The following FMO2 variants were observed in gnomAD, a reference collection of about 807,000 sequenced individuals.
FMO2 encodes flavin containing dimethylaniline monoxygenase 2, also known as flavin-containing monooxygenase 2.
A neutral mutation model predicts 41.6 loss-of-function variants in FMO2; 33 were observed. The observed-to-expected ratio is 0.79, with a 90% confidence interval of 0.60 to 1.06. FMO2 has a LOEUF of 1.06. Ranked by LOEUF, FMO2 falls within the 50% of genes least tolerant of loss-of-function variation. The pLI is 0.00. For synonymous variants in FMO2, 214 were observed against 219.6 expected (o/e 0.97, Z 0.23); for missense variants, 619 against 632.9 (o/e 0.98, Z 0.23).
Position 171,204,092 on chromosome 1 carries a change from A to G in FMO2, c.827+28A>G, listed in dbSNP as rs1257355471. 5 of 1,566,162 alleles carry G rather than the reference A, an allele frequency of 3.2e-6. No homozygotes were observed. In the South Asian group the frequency reaches 3.3e-5, roughly 10 times the overall value. ...AGAGTTATTTTGCTTTTTTAATGGT[A>G]TACTCGTTGGTGAGCAAAGTTGTCT... On this transcript the variant is annotated intron_variant, in intron 6 of 8. Coordinates refer to ENST00000209929, the MANE Select transcript of FMO2 (RefSeq NM_001460.5).
chr1:171,195,040 C>A (rs2223229), intron 3 of FMO2, among the ~76,000 whole-genome samples: 152,352 of 152,354 alleles, frequency 1, 76,175 homozygotes, highest in Non-Finnish European at 1. Flanking sequence ...TAACAAATAT[C>A]TCGCCTTTTT....
In FMO2 at chr1:171,210,657, C is replaced by T. The variant is rs1658941334; in HGVS notation, c.*1512C>T. 6.6e-6 allele frequency: 1 copy of T among 152,078 alleles called. No individual in the cohort carries two copies. Among genetic ancestry groups the T allele is most frequent in the Non-Finnish European group, 1.5e-5 (1 of 68,068 alleles). The allele number at this position is 152,078 out of a possible 1,614,324, so 9.4% of individuals were successfully genotyped here. A position where few individuals can be genotyped will look rare whatever the true frequency, so the allele number is the denominator to read the frequency against. ...CAAAGGTCAGAGATGTTGAAGATTC[C>T]AGCAAATTTCTCCTCTTATTTCTAC... On this transcript the variant is annotated 3_prime_UTR_variant, in exon 9 of 9. Coordinates refer to ENST00000209929, the MANE Select transcript of FMO2 (RefSeq NM_001460.5).
rs1190862195 is a variant in FMO2, at chr1:171,210,450, A to T, written c.*1305A>T. The T allele has an allele frequency of 1.3e-5, 2 of 152,246 alleles. No homozygotes were observed. The highest frequency in any genetic ancestry group is 2.4e-5 in the African/African-American group (1 of 41,474). 9.4% of individuals were successfully genotyped at this position (152,246 alleles called of 1,614,324 possible). A position where few individuals can be genotyped will look rare whatever the true frequency, so the allele number is the denominator to read the frequency against. The stretch of plus-strand genomic sequence containing the variant: ...GAAGTATACTGGTCTGTTAGCAGAG[A>T]CAAACTTTTTTTAGAATTGAAGTCT... On this transcript the variant is annotated 3_prime_UTR_variant, in exon 9 of 9. Transcript: ENST00000209929.
intron 3 of FMO2, among the ~76,000 whole-genome samples, chr1:171,195,097 C>T (rs546859883): frequency 1.6e-4 from 24 of 152,180 alleles, no homozygotes; most frequent in Non-Finnish European, 2.2e-4. Context: ...ATGTTAGAGT[C>T]GCAAGGAAGT....
rs373878117 is a variant in FMO2, at chr1:171,208,813, C to T, written c.1276C>T (p.Gln426Ter). The T allele has an allele frequency of 8.5e-5, 137 of 1,613,916 alleles. No homozygotes were observed. The South Asian group carries it at 8.7e-4, about 10-fold the overall frequency. ...RIDLFGESQS[Q>*]TLQTNYVDYL... ...ACTAAGGTTTGGAGAAAGCCAGAGC[C>T]AGACGTTGCAGACCAATTATGTTGA... The change falls in exon 9 of 9, where the codon CAG (glutamine) becomes TAG (stop). Residue 426 changes from glutamine (Q) to a stop codon, truncating the protein, a stop_gained. Transcript: ENST00000209929. LOFTEE classifies it low-confidence loss of function (END_TRUNC).
intron 2 of FMO2, 93 bp downstream of exon 2, chr1:171,185,938 A>G (rs913625077): frequency 1.7e-5 from 21 of 1,271,508 alleles, no homozygotes; most frequent in Non-Finnish European, 2.2e-5. Context: ...AATTTATTAA[A>G]CAACTCTGAT....
intron 2 of FMO2, among the ~76,000 whole-genome samples, chr1:171,192,543 C>A (rs1032002534): frequency 5.9e-5 from 9 of 151,912 alleles, no homozygotes; most frequent in Admixed American, 1.3e-4. Flanking sequence ...GGGTGGATCA[C>A]GAGGTCAGGA....
intron 4 of FMO2, among the ~76,000 whole-genome samples, chr1:171,198,545 G>T (rs1658391060): frequency 6.6e-6 from 1 of 151,738 alleles, no homozygotes; most frequent in Admixed American, 6.6e-5. Flanking sequence ...CTCCCAAGTA[G>T]CTGGGATTAC....
In FMO2 at chr1:171,209,097, C is replaced by A; in HGVS notation, c.1560C>A (p.Gly520=). 1.1e-6 allele frequency: 1 copy of A among 880,724 alleles called. No individual in the cohort carries two copies. Among genetic ancestry groups the A allele is most frequent in the Non-Finnish European group, 1.7e-6 (1 of 578,844 alleles). 54.6% of individuals were successfully genotyped at this position (880,724 alleles called of 1,614,324 possible). The stretch of plus-strand genomic sequence containing the variant: ...TTTCTTTTCTGTTGAAAATCCTGGG[C>A]CTTCTTGCTGTTGTTGTGGCCTTTT... ...FSVSFLLKIL[G]LLAVVVAFFC... The change falls in exon 9 of 9, where the codon GGC becomes GGA. Residue 520 remains glycine, a synonymous_variant. Transcript: ENST00000209929.
rs765170652 is a variant in FMO2, at chr1:171,207,781, G to T, written c.1247G>T (p.Arg416Ile). ...GACATTATCAAAAGGAATGAAAAAA[G>T]AATTGACCTGTAAGAATTTTTTTTA... is the stretch of plus-strand genomic sequence containing the variant. Reference protein sequence around the residue: ...MMDIIKRNEKRIDLFGESQSQ... With the variant: ...MMDIIKRNEKIIDLFGESQSQ... The change falls in exon 8 of 9, where the codon AGA (arginine) becomes ATA (isoleucine). Residue 416 changes from arginine (R) to isoleucine (I), a missense_variant. By Grantham distance (97) the Arg-to-Ile change is moderately conservative (BLOSUM62 -3). Coordinates refer to ENST00000209929, the MANE Select transcript of FMO2 (RefSeq NM_001460.5). 1 of 1,595,784 alleles carries T rather than the reference G, an allele frequency of 6.3e-7. No individual in the cohort carries two copies. Among genetic ancestry groups the T allele is most frequent in the African/African-American group, 1.3e-5 (1 of 74,192 alleles).
Position 171,205,607 on chromosome 1 carries a change from G to A in FMO2, c.1156G>A (p.Ala386Thr), listed in dbSNP as rs1207435852. 1.9e-6 allele frequency: 3 copies of A among 1,610,728 alleles called. No individual in the cohort carries two copies. The highest frequency in any genetic ancestry group is 1.7e-5 in the Admixed American group (1 of 59,510). Residue 386 changes from alanine (A) to threonine (T), a missense_variant, in exon 7 of 9, where the codon GCT becomes ACT. By Grantham distance (58) the Ala-to-Thr change is moderately conservative. Transcript: ENST00000209929. ...CATTTTCCCAACTGCTGAACTTCAA[G>A]CTCGTTGGGTGACAAGAGTTTTCAA... ...GSIFPTAELQ[A>T]RWVTRVFKGL...
intron 7 of FMO2, chr1:171,207,442 A>C (rs1571294262): frequency 3.1e-6 from 1 of 324,270 alleles, no homozygotes; most frequent in South Asian, 9.7e-5. Flanking sequence ...TAGAGCCCAA[A>C]CCACTAGTCA....
At position 171,209,095 on chromosome 1, in the gene FMO2, G is replaced by A; in HGVS notation, c.1558G>A (p.Gly520Ser). 1.1e-6 allele frequency: 1 copy of A among 898,626 alleles called. No homozygotes were observed. Among genetic ancestry groups the A allele is most frequent in the Non-Finnish European group, 1.7e-6 (1 of 594,676 alleles). 55.7% of individuals were successfully genotyped at this position (898,626 alleles called of 1,614,324 possible). Residue 520 changes from glycine to serine, a missense_variant, in exon 9 of 9, where the codon GGC becomes AGC. Physicochemically the swap from Gly to Ser is moderately conservative, Grantham distance 56. Transcript: ENST00000209929. ...FSVSFLLKILGLLAVVVAFFC... is the reference protein window; with the variant it reads ...FSVSFLLKILSLLAVVVAFFC... ...AGTTTCTTTTCTGTTGAAAATCCTGGGCCTTCTTGCTGTTGTTGTGGCCTT... is the reference window on the plus strand; with the variant it reads ...AGTTTCTTTTCTGTTGAAAATCCTGAGCCTTCTTGCTGTTGTTGTGGCCTT...
chr1:171,188,478 T>C lies in FMO2; in HGVS notation c.132+2633T>C, dbSNP rs28369814. Among the ~76,000 whole-genome samples the C allele has an allele frequency of 1.8e-3, 267 of 152,328 alleles. 7 individuals are homozygous for C. In the East Asian group the frequency reaches 0.05, roughly 28 times the overall value. ...ATATCCAATAGAGGAATGTAAACTA[T>C]TGTCTCCACTCAACGAAGTCAAAGA... On this transcript the variant is annotated intron_variant, in intron 2 of 8. Coordinates refer to ENST00000209929, the MANE Select transcript of FMO2 (RefSeq NM_001460.5).
chr1:171,193,031 A>C (rs1006926295), intron 2 of FMO2, among the ~76,000 whole-genome samples: 5 of 152,182 alleles, frequency 3.3e-5, no homozygotes, highest in Non-Finnish European at 7.3e-5. Flanking sequence ...GACTGGCATT[A>C]AATAGGTAGA....
At chr1:171,191,802 T>C (rs1257262327) in intron 2 of FMO2, among the ~76,000 whole-genome samples, 1 of 149,874 alleles carries the variant, frequency 6.7e-6, no homozygotes, top group Admixed American at 6.7e-5. Flanking sequence ...GGTGGGTGGA[T>C]TGCTTGAGCT....
At chr1:171,187,300 T>A (rs570116218) in intron 2 of FMO2, among the ~76,000 whole-genome samples, 2 of 152,074 alleles carry the variant, frequency 1.3e-5, no homozygotes, top group East Asian at 3.9e-4. Flanking sequence ...GAACAAAAGG[T>A]TTGAATACAT....
intron 2 of FMO2, among the ~76,000 whole-genome samples, chr1:171,191,132 C>T (rs1658067422): frequency 7.1e-6 from 1 of 141,756 alleles, no homozygotes; most frequent in Admixed American, 7.3e-5. Flanking sequence ...GCAACAAGAG[C>T]AAAATTCTGT....
At chr1:171,205,028 G>C (rs532307814) in intron 6 of FMO2, among the ~76,000 whole-genome samples, 3 of 152,252 alleles carry the variant, frequency 2.0e-5, no homozygotes, top group Admixed American at 1.3e-4. Flanking sequence ...AGCCCTTGGG[G>C]ATGCTTCCTT....
Sources: gnomAD v4.1 joint callset for allele counts (sites outside exome capture counted in the v4.1 genomes callset) on GRCh38, gnomAD v4.1.1 for gene constraint, MANE v1.5 for transcripts, NCBI Gene and HGNC (gene_info 2026-07-23, HGNC 2026-07-21) for gene names.